Variants in PDE4D observed in about 807,000 individuals in gnomAD.
PDE4D encodes phosphodiesterase 4D, also known as 3',5'-cyclic-AMP phosphodiesterase 4D.
PDE4D carries 24 observed loss-of-function variants against 87.4 expected under a neutral mutation model. That is an observed-to-expected ratio of 0.27 (90% confidence interval 0.20 to 0.39). PDE4D has a LOEUF of 0.39. PDE4D is among the 10% of genes least tolerant of loss of function. PDE4D has a pLI of 1.00. For synonymous variants in PDE4D, 384 were observed against 383.2 expected (o/e 1.00, Z -0.02); for missense variants, 714 against 1,041.0 (o/e 0.69, Z 4.32).
intron 1 of PDE4D, among the ~76,000 whole-genome samples, chr5:59,476,013 G>A (rs1803242603): frequency 6.6e-6 from 1 of 152,030 alleles, no homozygotes; most frequent in Non-Finnish European, 1.5e-5. Context: ...AAGACAGAAA[G>A]CAAGGTTCTT....
intron 1 of PDE4D, among the ~76,000 whole-genome samples, chr5:59,572,312 T>C (rs766647861): frequency 3.2e-4 from 48 of 152,334 alleles, no homozygotes; most frequent in Middle Eastern, 6.8e-3. Flanking sequence ...GCTGTGCTTT[T>C]AACTTCAAAA....
chr5:60,342,811 T>C (rs756617203), intron 1 of PDE4D, among the ~76,000 whole-genome samples: 1 of 152,160 alleles, frequency 6.6e-6, no homozygotes, highest in South Asian at 2.1e-4. Context: ...CAATAAATAG[T>C]GCATTCTCAA....
intron 1 of PDE4D, among the ~76,000 whole-genome samples, chr5:59,262,493 G>A (rs538129457): frequency 6.6e-6 from 1 of 151,754 alleles, no homozygotes; most frequent in Admixed American, 6.6e-5. Flanking sequence ...GTCTGGGAGT[G>A]TGGTAAAGCT....
intron 1 of PDE4D, among the ~76,000 whole-genome samples, chr5:59,754,797 ATTTTTTTTTTTTTTT>A (rs754869518): frequency 2.4e-4 from 23 of 96,868 alleles, no homozygotes; most frequent in Admixed American, 8.5e-4. Flanking sequence ...TCCACAGAAC[ATTTTTTTTTTTTTTT>A]TTTTTTTTTT....
chr5:59,208,634 A>G (rs1242485831), intron 2 of PDE4D, among the ~76,000 whole-genome samples: 1 of 152,156 alleles, frequency 6.6e-6, no homozygotes, highest in African/African-American at 2.4e-5. Context: ...GATTTTTTTG[A>G]AAGTATGAGA....
At position 59,768,366 on chromosome 5, in the gene PDE4D, T is replaced by C. The variant is rs142535472; in HGVS notation, c.455+124802A>G. 42 of 1,598,318 alleles carry C rather than the reference T, an allele frequency of 2.6e-5. No individual in the cohort carries two copies. In the African/African-American group the frequency reaches 4.9e-4, roughly 19 times the overall value. Reference sequence around the variant, plus strand: ...CTGGAGAGAGCTTGGGAGAAACCGATTTCCTCGCTGTCTTGGACTTCTCAT... The same window carrying C: ...CTGGAGAGAGCTTGGGAGAAACCGACTTCCTCGCTGTCTTGGACTTCTCAT... On this transcript the variant is annotated intron_variant, in intron 1 of 14. Transcript: ENST00000340635.
intron 1 of PDE4D, among the ~76,000 whole-genome samples, chr5:59,548,098 C>A (rs1398996063): frequency 6.6e-6 from 1 of 152,162 alleles, no homozygotes; most frequent in Non-Finnish European, 1.5e-5. Context: ...GGGCCTGCAG[C>A]AATCCTCACA....
chr5:59,920,418 T>C (rs1240489191), intron 3 of PDE4D, among the ~76,000 whole-genome samples: 1 of 152,222 alleles, frequency 6.6e-6, no homozygotes, highest in Non-Finnish European at 1.5e-5. Context: ...AATGTACAAT[T>C]CTCCTTTAAT....
chr5:59,050,124 A>T (rs557888820), intron 5 of PDE4D, among the ~76,000 whole-genome samples: 1 of 152,178 alleles, frequency 6.6e-6, no homozygotes, highest in African/African-American at 2.4e-5. Context: ...AACATTAGCC[A>T]CGCATGGTGG....
At chr5:60,262,080 TAA>T (rs1749703665) in intron 1 of PDE4D, among the ~76,000 whole-genome samples, 1 of 152,076 alleles carries the variant, frequency 6.6e-6, no homozygotes, top group South Asian at 2.1e-4. Context: ...ATAAGCAAGC[TAA>T]AGTCCTTCTA....
intron 1 of PDE4D, among the ~76,000 whole-genome samples, chr5:59,449,951 C>T (rs1225513462): frequency 6.6e-6 from 1 of 152,182 alleles, no homozygotes; most frequent in Non-Finnish European, 1.5e-5. Context: ...ATTGCAGCTA[C>T]CCAAGGGCAC....
At chr5:59,577,346 C>G (rs1823341646) in intron 1 of PDE4D, among the ~76,000 whole-genome samples, 1 of 152,056 alleles carries the variant, frequency 6.6e-6, no homozygotes, top group South Asian at 2.1e-4. Flanking sequence ...AAGGATATTC[C>G]ATAGGAGAGG....
intron 3 of PDE4D, among the ~76,000 whole-genome samples, chr5:59,920,279 T>C (rs1754525177): frequency 6.6e-6 from 1 of 152,218 alleles, no homozygotes; most frequent in Non-Finnish European, 1.5e-5. Context: ...TAATTATAAA[T>C]AACTTATAAT....
chr5:59,415,289 GCTT>G (rs2153623446), intron 1 of PDE4D, among the ~76,000 whole-genome samples: 1 of 152,272 alleles, frequency 6.6e-6, no homozygotes, highest in South Asian at 2.1e-4. Flanking sequence ...CTTCAGGAGA[GCTT>G]CTTCAAGGAA....
At chr5:60,110,749 C>T (rs1430044401) in intron 2 of PDE4D, among the ~76,000 whole-genome samples, 1 of 152,062 alleles carries the variant, frequency 6.6e-6, no homozygotes, top group East Asian at 1.9e-4. Flanking sequence ...ATGGAATCAA[C>T]CTTAATGTCT....
intron 5 of PDE4D, among the ~76,000 whole-genome samples, chr5:59,171,880 ATATTTAT>A (rs1406833623): frequency 3.0e-4 from 18 of 60,058 alleles, no homozygotes; most frequent in African/African-American, 1.9e-3. Context: ...TATGAGAAAT[ATATTTAT>A]TATATAATAA....
At chr5:59,326,318 C>T (rs1035616245) in intron 1 of PDE4D, among the ~76,000 whole-genome samples, 1 of 151,820 alleles carries the variant, frequency 6.6e-6, no homozygotes, top group Admixed American at 6.6e-5. Flanking sequence ...CATTTTTGTA[C>T]TTTTGTGTTA....
chr5:59,339,387 T>C (rs1778307464), intron 1 of PDE4D, among the ~76,000 whole-genome samples: 1 of 152,176 alleles, frequency 6.6e-6, no homozygotes, highest in South Asian at 2.1e-4. Flanking sequence ...CCAAATAGCA[T>C]TCTGTCTAAG....
intron 1 of PDE4D, among the ~76,000 whole-genome samples, chr5:59,427,471 C>G (rs1465661315): frequency 6.6e-6 from 1 of 152,150 alleles, no homozygotes; most frequent in Admixed American, 6.5e-5. Context: ...GATCCACACA[C>G]TCAAAAACTT....
Sources: allele counts gnomAD v4.1 joint callset (sites outside exome capture counted in the v4.1 genomes callset), GRCh38; gene constraint gnomAD v4.1.1; transcripts MANE v1.5; gene names NCBI Gene and HGNC (gene_info 2026-07-23, HGNC 2026-07-21).